The following PDCD11 variants were observed in gnomAD, a reference collection of about 807,000 sequenced individuals.
PDCD11 encodes protein RRP5 homolog.
In PDCD11, 97 loss-of-function variants were observed where a neutral mutation model predicts 198.9. The ratio of observed to expected loss-of-function variants is 0.49; its 90% CI spans 0.41 to 0.58. The LOEUF (loss-of-function observed/expected upper bound fraction) is 0.58. Ranked by LOEUF, PDCD11 falls within the 20% of genes least tolerant of loss-of-function variation. The probability of loss-of-function intolerance (pLI) is 0.00; values close to 1 mark genes in which losing one functional copy is unlikely to be tolerated. For missense variants in PDCD11, 2,102 were observed against 2,312.7 expected, an observed-to-expected ratio of 0.91 and a Z score of 1.87; for synonymous variants, 893 against 918.0, an observed-to-expected ratio of 0.97 and a Z score of 0.49.
intron 5 of PDCD11, chr10:103,405,428 G>A: frequency 3.0e-6 from 1 of 328,166 alleles, no homozygotes; most frequent in Non-Finnish European, 5.7e-6. Flanking sequence ...TTTTGAGTCG[G>A]AGTTTCGCTG....
Position 103,434,274 on chromosome 10 carries a change from C to A in PDCD11, c.3591C>A (p.Phe1197Leu). 1 of 1,613,522 alleles carries A rather than the reference C, an allele frequency of 6.2e-7. No individual in the cohort carries two copies. Among genetic ancestry groups the A allele is most frequent in the Non-Finnish European group, 8.5e-7 (1 of 1,179,414 alleles). Residue 1197 changes from phenylalanine to leucine, a missense_variant, in exon 24 of 36, where the codon TTC (phenylalanine) becomes TTA (leucine). Phe to Leu is a conservative substitution (Grantham distance 22, BLOSUM62 0). Coordinates refer to ENST00000369797, the MANE Select transcript of PDCD11 (RefSeq NM_014976.2). ...FKVLKHPDKK[F>L]RVGQALRATV... is the part of the protein sequence containing the mutation. ...TTCTGAAGCATCCAGATAAGAAGTT[C>A]CGGGTTGGCCAGGCCCTGAGGGCCA...
chr10:103,423,776 G>A, intron 19 of PDCD11, 118 bp downstream of exon 19: 1 of 693,300 alleles, frequency 1.4e-6, no homozygotes, highest in Non-Finnish European at 2.6e-6. Flanking sequence ...TGTCTGGATG[G>A]ATCCAGGACA....
At position 103,418,562 on chromosome 10, in the gene PDCD11, G is replaced by A. The variant is rs2031247612; in HGVS notation, c.2034G>A (p.Leu678=). The A allele has an allele frequency of 6.2e-7, 1 of 1,614,056 alleles. No homozygotes were observed. The highest frequency in any genetic ancestry group is 1.3e-5 in the African/African-American group (1 of 74,922). Residue 678 remains leucine, a synonymous_variant, in exon 15 of 36, where the codon TTG becomes TTA. Coordinates refer to ENST00000369797, the MANE Select transcript of PDCD11 (RefSeq NM_014976.2). ...CGGACCACGTTGCCAACGGCCCATT[G>A]TTACATCATTGGCTCCAGGCAGGTG... is the stretch of plus-strand genomic sequence containing the variant. The part of the protein sequence containing the change: ...HLSDHVANGP[L]LHHWLQAGDI...
At chr10:103,442,144 C>A in intron 31 of PDCD11, 69 bp from the exon 32 acceptor site, 1 of 1,591,516 alleles carries the variant, frequency 6.3e-7, no homozygotes. Context: ...CAACTCGTGA[C>A]TTCCACCACA....
At chr10:103,440,681 C>T (rs1208538810) in intron 29 of PDCD11, 53 bp from the exon 30 acceptor site, 23 of 1,613,240 alleles carry the variant, frequency 1.4e-5, no homozygotes, top group East Asian at 6.7e-5. Flanking sequence ...GGGAGGGTGT[C>T]GCCTGGGGCT....
chr10:103,441,902 C>A lies in PDCD11; in HGVS notation c.4634C>A (p.Ser1545Tyr). The A allele has an allele frequency of 6.2e-7, 1 of 1,614,224 alleles. No individual in the cohort carries two copies. The highest frequency in any genetic ancestry group is 1.1e-5 in the South Asian group (1 of 91,084). Residue 1545 changes from serine to tyrosine, a missense_variant, in exon 31 of 36, where the codon TCT (serine) becomes TAT (tyrosine). By Grantham distance (144) the Ser-to-Tyr change is moderately radical. Transcript: ENST00000369797. The stretch of plus-strand genomic sequence containing the variant: ...TTCGCTTGGAATGTGGGACTAGACT[C>A]TCTGACCCCGGCCTTGCCACCTCTA... ...SGFAWNVGLD[S>Y]LTPALPPLAE...
Position 103,406,003 on chromosome 10 carries a change from T to C in PDCD11, c.583T>C (p.Ser195Pro), listed in dbSNP as rs746067340. 1 of 1,614,060 alleles carries C rather than the reference T, an allele frequency of 6.2e-7. No individual in the cohort carries two copies. Among genetic ancestry groups the C allele is most frequent in the Non-Finnish European group, 8.5e-7 (1 of 1,179,942 alleles). ...KPGMLLTGTV[S>P]SLEDHGYLVD... ...TCCCCAGCTACTTACAGGTACCGTA[T>C]CCAGCCTGGAAGACCATGGCTACCT... Residue 195 changes from serine to proline, a missense_variant, in exon 6 of 36, where the codon TCC becomes CCC. By Grantham distance (74) the Ser-to-Pro change is moderately conservative. Coordinates refer to ENST00000369797, the MANE Select transcript of PDCD11 (RefSeq NM_014976.2).
intron 1 of PDCD11, among the ~76,000 whole-genome samples, chr10:103,397,124 C>G (rs993897115): frequency 6.6e-6 from 1 of 151,918 alleles, no homozygotes; most frequent in Non-Finnish European, 1.5e-5. Flanking sequence ...TACCAAGTGT[C>G]TGTCAGAACT....
chr10:103,442,532 T>C (rs1223825550), intron 32 of PDCD11, 72 bp downstream of exon 32: 1 of 1,538,756 alleles, frequency 6.5e-7, no homozygotes, highest in African/African-American at 1.4e-5. Context: ...ACCTGTGGGG[T>C]AGCTCCTCCT....
At chr10:103,440,642 C>T (rs919111868) in intron 29 of PDCD11, 61 bp downstream of exon 29, 25 of 1,610,588 alleles carry the variant, frequency 1.6e-5, no homozygotes, top group South Asian at 1.3e-4. Flanking sequence ...GCCATGAGGG[C>T]GTGGGGACAG....
At chr10:103,404,699 G>A (rs913356767) in intron 4 of PDCD11, among the ~76,000 whole-genome samples, 1 of 152,238 alleles carries the variant, frequency 6.6e-6, no homozygotes, top group African/African-American at 2.4e-5. Context: ...AGATAGAGTG[G>A]TGGAGTGAGA....
At chr10:103,429,604 A>AGTAATTTTTTACAGTAAAAAATTACT (rs1455724246) in intron 21 of PDCD11, among the ~76,000 whole-genome samples, 1 of 152,220 alleles carries the variant, frequency 6.6e-6, no homozygotes, top group Non-Finnish European at 1.5e-5. Flanking sequence ...ATCACAGATG[A>AGTAATTTTTTACAGTAAAAAATTACT]GTAATTTTTT....
At chr10:103,442,082 C>A in intron 31 of PDCD11, 107 bp downstream of exon 31, 1 of 1,544,796 alleles carries the variant, frequency 6.5e-7, no homozygotes, top group Non-Finnish European at 8.9e-7. Flanking sequence ...GGGGAGGGGG[C>A]AGCGGCCAGT....
intron 12 of PDCD11, among the ~76,000 whole-genome samples, chr10:103,415,863 G>C (rs2031078393): frequency 6.6e-6 from 1 of 152,150 alleles, no homozygotes; most frequent in Admixed American, 6.5e-5. Flanking sequence ...GCTTCATAGG[G>C]TTGTGAAGAT....
intron 28 of PDCD11, 79 bp from the exon 29 acceptor site, chr10:103,440,211 G>A: frequency 6.5e-7 from 1 of 1,531,686 alleles, no homozygotes; most frequent in South Asian, 1.3e-5. Flanking sequence ...GGGCTGATCA[G>A]GAGGAAAAAG....
intron 16 of PDCD11, 99 bp downstream of exon 16, chr10:103,419,807 T>C (rs2031323474): frequency 9.2e-7 from 1 of 1,081,750 alleles, no homozygotes; most frequent in African/African-American, 1.6e-5. Context: ...TCCTTTTTTT[T>C]TTGAGACAGT....
At position 103,442,200 on chromosome 10, in the gene PDCD11, C is replaced by G. The variant is rs375266659; in HGVS notation, c.4708-13C>G. 1.4e-5 allele frequency: 23 copies of G among 1,612,750 alleles called. No homozygotes were observed. In the African/African-American group the frequency reaches 2.9e-4, roughly 21 times the overall value. ...GAGCAGATGACTCACGGTGTTTCTGCTTTCCATAGCAGATAAAGAAAAGCA... is the reference window on the plus strand; with the variant it reads ...GAGCAGATGACTCACGGTGTTTCTGGTTTCCATAGCAGATAAAGAAAAGCA... On this transcript the variant is annotated splice_polypyrimidine_tract_variant and intron_variant, in intron 31 of 35. Transcript: ENST00000369797.
At chr10:103,425,665 AT>A in intron 20 of PDCD11, 140 bp downstream of exon 20, 3 of 696,866 alleles carry the variant, frequency 4.3e-6, no homozygotes, top group Non-Finnish European at 7.2e-6. Context: ...CCAAAGAATT[AT>A]TTTGCAAGAT....
chr10:103,433,328 C>T (rs1388171808), intron 22 of PDCD11, among the ~76,000 whole-genome samples: 1 of 152,110 alleles, frequency 6.6e-6, no homozygotes, highest in Non-Finnish European at 1.5e-5. Context: ...AACCCCATCT[C>T]TACTAAAAAT....
Sources: gnomAD v4.1 joint callset for allele counts (sites outside exome capture counted in the v4.1 genomes callset) on GRCh38, gnomAD v4.1.1 for gene constraint, MANE v1.5 for transcripts, NCBI Gene and HGNC (gene_info 2026-07-23, HGNC 2026-07-21) for gene names.